GRID2: variants seen among roughly 807,000 people sequenced by gnomAD.
The protein encoded by GRID2 is glutamate ionotropic receptor delta type subunit 2.
Under a neutral mutation model 114.8 loss-of-function variants are expected in GRID2, and 33 were observed. That is an observed-to-expected ratio of 0.29 (90% CI 0.22 to 0.38). The LOEUF (loss-of-function observed/expected upper bound fraction) is 0.38, where lower values mean the gene tolerates loss of function less well. Ranked by LOEUF, GRID2 falls within the 10% of genes least tolerant of loss-of-function variation. The probability of loss-of-function intolerance (pLI) is 1.00; values close to 1 mark genes in which losing one functional copy is unlikely to be tolerated. For synonymous variants in GRID2, 505 were observed against 449.9 expected, an observed-to-expected ratio of 1.12 and a Z score of -1.55; for missense variants, 1,184 against 1,257.7, an observed-to-expected ratio of 0.94 and a Z score of 0.89.
chr4:93,051,843 C>CT (rs1192837846), intron 2 of GRID2, among the ~76,000 whole-genome samples: 1 of 151,784 alleles, frequency 6.6e-6, no homozygotes, highest in African/African-American at 2.4e-5. Context: ...ATTTCTTTGC[C>CT]TTTTTTTCCC....
chr4:93,256,460 A>G (rs1749602222), intron 8 of GRID2, among the ~76,000 whole-genome samples: 1 of 151,886 alleles, frequency 6.6e-6, no homozygotes, highest in African/African-American at 2.4e-5. Context: ...TAGTCACACA[A>G]AAATATGATG....
At chr4:92,547,719 C>A (rs1726336956) in intron 1 of GRID2, among the ~76,000 whole-genome samples, 1 of 151,676 alleles carries the variant, frequency 6.6e-6, no homozygotes, top group Non-Finnish European at 1.5e-5. Context: ...CTCATGCACA[C>A]ACAACTTGCA....
intron 8 of GRID2, among the ~76,000 whole-genome samples, chr4:93,386,578 G>A (rs1336960939): frequency 1.3e-5 from 2 of 152,040 alleles, no homozygotes; most frequent in African/African-American, 4.8e-5. Context: ...ATAATCAAGA[G>A]TCCAGAAAGA....
intron 14 of GRID2, among the ~76,000 whole-genome samples, chr4:93,726,239 G>T (rs1030742922): frequency 6.6e-6 from 1 of 152,056 alleles, no homozygotes; most frequent in Non-Finnish European, 1.5e-5. Context: ...TATTAAATAG[G>T]GCATCCTTCC....
intron 7 of GRID2, among the ~76,000 whole-genome samples, chr4:93,235,954 G>T (rs1017384695): frequency 2.6e-5 from 4 of 152,018 alleles, no homozygotes; most frequent in Non-Finnish European, 5.9e-5. Context: ...CAATTATATT[G>T]ATATATGATA....
intron 3 of GRID2, among the ~76,000 whole-genome samples, chr4:93,101,145 A>C (rs1033510462): frequency 1.3e-5 from 2 of 152,094 alleles, no homozygotes; most frequent in Non-Finnish European, 2.9e-5. Context: ...TAAATTTTTA[A>C]CATTGATACA....
At chr4:93,215,444 T>G (rs533168892) in intron 5 of GRID2, among the ~76,000 whole-genome samples, 1 of 152,132 alleles carries the variant, frequency 6.6e-6, no homozygotes, top group South Asian at 2.1e-4. Context: ...TAATCCTACT[T>G]TGTGAGTAGA....
intron 2 of GRID2, among the ~76,000 whole-genome samples, chr4:92,626,123 C>T (rs1196855303): frequency 6.6e-6 from 1 of 151,896 alleles, no homozygotes; most frequent in Non-Finnish European, 1.5e-5. Flanking sequence ...AACTCAATCA[C>T]TCATTTAAGT....
intron 8 of GRID2, among the ~76,000 whole-genome samples, chr4:93,351,452 G>A (rs1579779462): frequency 6.6e-6 from 1 of 152,024 alleles, no homozygotes; most frequent in African/African-American, 2.4e-5. Flanking sequence ...ACATTCACAA[G>A]TGTCTGATAT....
At chr4:93,434,456 A>G (rs912689591) in intron 10 of GRID2, among the ~76,000 whole-genome samples, 3 of 152,126 alleles carry the variant, frequency 2.0e-5, no homozygotes, top group Non-Finnish European at 2.9e-5. Flanking sequence ...TAATAAAAAT[A>G]TATAAAAAAA....
At chr4:93,271,194 T>C (rs536937045) in intron 8 of GRID2, among the ~76,000 whole-genome samples, 1 of 152,230 alleles carries the variant, frequency 6.6e-6, no homozygotes, top group East Asian at 1.9e-4. Context: ...CATATCTCAG[T>C]AGAGAGAATC....
At chr4:93,549,072 A>G (rs1390277651) in intron 13 of GRID2, among the ~76,000 whole-genome samples, 1 of 152,150 alleles carries the variant, frequency 6.6e-6, no homozygotes, top group Non-Finnish European at 1.5e-5. Flanking sequence ...TCAAAGATCA[A>G]CTAAAAATCT....
intron 14 of GRID2, among the ~76,000 whole-genome samples, chr4:93,667,649 G>A (rs1724065054): frequency 6.6e-6 from 1 of 151,834 alleles, no homozygotes. Context: ...ACTTCCATTT[G>A]CTGAAAATGA....
intron 4 of GRID2, among the ~76,000 whole-genome samples, chr4:93,150,717 T>C: frequency 6.6e-6 from 1 of 152,030 alleles, no homozygotes; most frequent in Non-Finnish European, 1.5e-5. Context: ...ATTTGAGAAA[T>C]CCCTGCAAGT....
intron 14 of GRID2, among the ~76,000 whole-genome samples, chr4:93,686,332 A>G (rs1726077584): frequency 2.0e-5 from 3 of 151,750 alleles, no homozygotes; most frequent in Admixed American, 1.3e-4. Flanking sequence ...CTCTATCCCC[A>G]TGGCTCTTTT....
In GRID2 at chr4:93,085,153, C is replaced by T. The variant is rs780468524; in HGVS notation, c.403C>T (p.Arg135Trp). The stretch of plus-strand genomic sequence containing the variant: ...CCCAAGGAGTGGCTGTGGACTCACC[C>T]GGAGCAACAGGAATGATGACTACAC... ...GTPRSGCGLT[R>W]SNRNDDYTLS... Residue 135 changes from arginine to tryptophan, a missense_variant, in exon 3 of 16, where the codon CGG becomes TGG. Coordinates refer to ENST00000282020, the MANE Select transcript of GRID2 (RefSeq NM_001510.4). 4.3e-5 allele frequency: 69 copies of T among 1,613,938 alleles called. No individual in the cohort carries two copies. Among genetic ancestry groups the T allele is most frequent in the Non-Finnish European group, 4.9e-5 (58 of 1,179,992 alleles).
At chr4:93,139,142 G>A (rs1735532985) in intron 4 of GRID2, among the ~76,000 whole-genome samples, 2 of 152,184 alleles carry the variant, frequency 1.3e-5, no homozygotes, top group South Asian at 4.1e-4. Context: ...TTTGGGCAGG[G>A]TGTAAGTAAG....
At chr4:92,696,469 A>G (rs1451464311) in intron 2 of GRID2, among the ~76,000 whole-genome samples, 1 of 152,060 alleles carries the variant, frequency 6.6e-6, no homozygotes, top group Non-Finnish European at 1.5e-5. Context: ...TTTTCCTTTT[A>G]TTTGTTAACT....
At chr4:93,335,671 C>T (rs1256320975) in intron 8 of GRID2, among the ~76,000 whole-genome samples, 8 of 141,126 alleles carry the variant, frequency 5.7e-5, no homozygotes, top group East Asian at 2.0e-4. Flanking sequence ...CTTGTTTTTT[C>T]TCTCTCTCTT....
Sources: gnomAD v4.1 joint callset for allele counts (sites outside exome capture counted in the v4.1 genomes callset) on GRCh38, gnomAD v4.1.1 for gene constraint, MANE v1.5 for transcripts, NCBI Gene and HGNC (gene_info 2026-07-23, HGNC 2026-07-21) for gene names.